Variants in DGKI observed in about 807,000 individuals in gnomAD.
DGKI encodes the protein diacylglycerol kinase iota, also known as DAG kinase iota.
In DGKI, 55 loss-of-function variants were observed where a neutral mutation model predicts 147.5. That is an observed-to-expected ratio of 0.37 (90% CI 0.30 to 0.47). The LOEUF is 0.47. Ranked by LOEUF, DGKI falls within the 20% of genes least tolerant of loss-of-function variation. The pLI is 1.00. For synonymous variants in DGKI, 469 were observed against 477.1 expected (o/e 0.98, Z 0.22); for missense variants, 1,007 against 1,323.8 (o/e 0.76, Z 3.71).
intron 1 of DGKI, among the ~76,000 whole-genome samples, chr7:137,739,138 ACT>A (rs1163702031): frequency 6.6e-6 from 1 of 152,094 alleles, no homozygotes; most frequent in East Asian, 1.9e-4. Flanking sequence ...CATGCTCAGC[ACT>A]CTGAGCCACG....
intron 21 of DGKI, among the ~76,000 whole-genome samples, chr7:137,512,554 T>A (rs1816614647): frequency 6.6e-6 from 1 of 152,186 alleles, no homozygotes; most frequent in African/African-American, 2.4e-5. Context: ...CTATAAATAG[T>A]AAGAGTTGGC....
intron 12 of DGKI, among the ~76,000 whole-genome samples, 156 bp from the exon 13 acceptor site, chr7:137,587,366 G>A (rs1401923856): frequency 6.6e-6 from 1 of 152,176 alleles, no homozygotes; most frequent in Non-Finnish European, 1.5e-5. Flanking sequence ...GAACAGAAAG[G>A]TCGCTTATCA....
chr7:137,517,321 A>AAGAAAG (rs1554421269), intron 21 of DGKI, among the ~76,000 whole-genome samples: 4 of 130,260 alleles, frequency 3.1e-5, no homozygotes, highest in African/African-American at 1.3e-4. Flanking sequence ...GAAAGAAAGA[A>AAGAAAG]AGAAAGAAAG....
chr7:137,460,113 C>A (rs1271857000), intron 27 of DGKI, among the ~76,000 whole-genome samples: 1 of 152,102 alleles, frequency 6.6e-6, no homozygotes, highest in Non-Finnish European at 1.5e-5. Context: ...CCTTTCCTAT[C>A]CCCCAAGTTG....
At chr7:137,805,437 G>A (rs916156651) in intron 1 of DGKI, among the ~76,000 whole-genome samples, 6 of 152,200 alleles carry the variant, frequency 3.9e-5, no homozygotes, top group Non-Finnish European at 8.8e-5. Context: ...CCCCTGAATG[G>A]TTGAGGCAAA....
At chr7:137,612,199 G>T (rs1820386207) in intron 8 of DGKI, among the ~76,000 whole-genome samples, 1 of 151,096 alleles carries the variant, frequency 6.6e-6, no homozygotes, top group South Asian at 2.1e-4. Context: ...AATTCTTATA[G>T]GGAACAGACA....
intron 1 of DGKI, among the ~76,000 whole-genome samples, chr7:137,822,515 A>G (rs1195300919): frequency 6.6e-6 from 1 of 152,140 alleles, no homozygotes; most frequent in East Asian, 1.9e-4. Context: ...AGAAAATGCT[A>G]AAGTTTAGGG....
chr7:137,838,165 G>C (rs1798443234), intron 1 of DGKI, among the ~76,000 whole-genome samples: 1 of 151,888 alleles, frequency 6.6e-6, no homozygotes, highest in Non-Finnish European at 1.5e-5. Context: ...ACCACACCCA[G>C]GTAATTTTTC....
At chr7:137,496,690 G>T (rs1476245410) in intron 21 of DGKI, among the ~76,000 whole-genome samples, 1 of 152,044 alleles carries the variant, frequency 6.6e-6, no homozygotes, top group East Asian at 1.9e-4. Context: ...ATAAAAACAA[G>T]TAATGGGAAG....
chr7:137,597,463 A>G (rs1008590959), intron 12 of DGKI, among the ~76,000 whole-genome samples: 1 of 152,150 alleles, frequency 6.6e-6, no homozygotes, highest in Admixed American at 6.5e-5. Flanking sequence ...AAAAAAAAAA[A>G]CATAATAATT....
chr7:137,461,692 C>T (rs957012482), intron 27 of DGKI, among the ~76,000 whole-genome samples: 2 of 152,118 alleles, frequency 1.3e-5, no homozygotes, highest in Non-Finnish European at 2.9e-5. Flanking sequence ...GCTGGAGAAG[C>T]TGAAAGGCTG....
chr7:137,417,322 G>A lies in DGKI; in HGVS notation c.2762-5115C>T, dbSNP rs183486959. ...CTTATGAAGACAGGAATGCAAGGGC[G>A]TAGGGAACTGAGAAATTTTTCATTT... On this transcript the variant is annotated intron_variant, in intron 28 of 32. Coordinates refer to ENST00000614521, the MANE Select transcript of DGKI (RefSeq NM_001321708.2). 2.1e-4 allele frequency among the ~76,000 whole-genome samples: 32 copies of A among 152,316 alleles called. 1 individual carries two copies. The highest frequency in any genetic ancestry group is 6.8e-3 in the Middle Eastern group (2 of 294).
At chr7:137,659,151 CTT>C (rs1822329141) in intron 3 of DGKI, among the ~76,000 whole-genome samples, 1 of 152,136 alleles carries the variant, frequency 6.6e-6, no homozygotes, top group African/African-American at 2.4e-5. Flanking sequence ...GTGTTGCTGT[CTT>C]TTGTTGCTCT....
intron 6 of DGKI, 112 bp from the exon 7 acceptor site, chr7:137,623,666 C>A (rs1820830540): frequency 2.3e-6 from 2 of 856,070 alleles, no homozygotes; most frequent in Admixed American, 1.8e-5. Flanking sequence ...GGACTGTCAC[C>A]CACCACTGGA....
Position 137,386,575 on chromosome 7 carries a change from G to A in DGKI, c.*4645C>T, listed in dbSNP as rs1425649055. 1 of 152,066 alleles carries A rather than the reference G, an allele frequency of 6.6e-6. No homozygotes were observed. Among genetic ancestry groups the A allele is most frequent in the African/African-American group, 2.4e-5 (1 of 41,408 alleles). 9.4% of individuals were successfully genotyped at this position (152,066 alleles called of 1,614,324 possible). On this transcript the variant is annotated 3_prime_UTR_variant, in exon 33 of 33. Coordinates refer to ENST00000614521, the MANE Select transcript of DGKI (RefSeq NM_001321708.2). ...GATGTATTTTGAGCATAATATCTGG[G>A]GAAGATTTTTGCAACTGCGTGACAA...
At chr7:137,703,789 T>C (rs1314060000) in intron 1 of DGKI, among the ~76,000 whole-genome samples, 1 of 152,188 alleles carries the variant, frequency 6.6e-6, no homozygotes, top group Non-Finnish European at 1.5e-5. Flanking sequence ...AGTTGTCACA[T>C]TGTATTATTT....
chr7:137,555,989 C>T (rs1818211208), intron 19 of DGKI, among the ~76,000 whole-genome samples: 1 of 152,070 alleles, frequency 6.6e-6, no homozygotes, highest in Admixed American at 6.5e-5. Context: ...CATCTAATTG[C>T]TGCCAGTGGT....
At chr7:137,631,403 A>G (rs1297307553) in intron 6 of DGKI, among the ~76,000 whole-genome samples, 2 of 152,216 alleles carry the variant, frequency 1.3e-5, no homozygotes, top group African/African-American at 4.8e-5. Flanking sequence ...TTGGGGTTTT[A>G]CTACATCTAC....
chr7:137,400,749 TC>T, intron 30 of DGKI, among the ~76,000 whole-genome samples: 1 of 151,632 alleles, frequency 6.6e-6, no homozygotes, highest in Middle Eastern at 3.4e-3. Context: ...ATAATTAATA[TC>T]TAAAAAAAAA....
Sources: gnomAD v4.1 joint callset for allele counts (sites outside exome capture counted in the v4.1 genomes callset) on GRCh38, gnomAD v4.1.1 for gene constraint, MANE v1.5 for transcripts, NCBI Gene and HGNC (gene_info 2026-07-23, HGNC 2026-07-21) for gene names.